SLC35E4: variants seen among roughly 807,000 people sequenced by gnomAD.
SLC35E4 encodes solute carrier family 35, member E4.
Under a neutral mutation model 19.3 loss-of-function variants are expected in SLC35E4, and 15 were observed. The observed-to-expected ratio is 0.78, with a 90% CI of 0.52 to 1.20. The LOEUF (loss-of-function observed/expected upper bound fraction) is 1.20. Ranked by LOEUF, SLC35E4 falls within the 50% of genes most tolerant of loss-of-function variation. The pLI is 0.00. For synonymous variants in SLC35E4, 219 were observed against 219.9 expected, an observed-to-expected ratio of 1.00 and a Z score of 0.04; for missense variants, 406 against 472.3, an observed-to-expected ratio of 0.86 and a Z score of 1.30.
intron 2 of SLC35E4, among the ~76,000 whole-genome samples, chr22:30,656,272 T>C (rs1158546101): frequency 6.6e-6 from 1 of 152,042 alleles, no homozygotes; most frequent in African/African-American, 2.4e-5. Flanking sequence ...CCACTGCACT[T>C]GGACTCTAAG....
In SLC35E4 at chr22:30,636,548, G is replaced by T; in HGVS notation, c.98G>T (p.Trp33Leu). The T allele has an allele frequency of 6.4e-7, 1 of 1,563,764 alleles. No homozygotes were observed. Among genetic ancestry groups the T allele is most frequent in the Non-Finnish European group, 8.7e-7 (1 of 1,153,842 alleles). Residue 33 changes from tryptophan to leucine, a missense_variant, in exon 1 of 2, where the codon TGG (tryptophan) becomes TTG (leucine). By Grantham distance (61) the Trp-to-Leu change is moderately conservative. Transcript: ENST00000343605. Reference sequence around the variant, plus strand: ...GCTCAGGCGGCTGGGCCCCCCGAGTGGCCCCCTGGCAGCCCTCAGGCCCTC... The same window carrying T: ...GCTCAGGCGGCTGGGCCCCCCGAGTTGCCCCCTGGCAGCCCTCAGGCCCTC... ...GGAQAAGPPE[W>L]PPGSPQALRQ...
rs529313524 is a variant in SLC35E4, at chr22:30,645,950, C to T, written c.620-648C>T. Among the ~76,000 whole-genome samples the T allele has an allele frequency of 2.4e-3, 360 of 152,044 alleles. 1 individual carries two copies. The highest frequency in any genetic ancestry group is 8.2e-3 in the African/African-American group (342 of 41,492). ...CCTCCTGCCTCAGCCTCCTGAGTAG[C>T]TGGGACTAAAGGCACGTGCCACCAC... On this transcript the variant is annotated intron_variant, in intron 1 of 1. Coordinates refer to ENST00000343605, the MANE Select transcript of SLC35E4 (RefSeq NM_001001479.4).
At chr22:30,649,165 A>G (rs57666014), downstream of SLC35E4, 2,491 of 715,964 alleles carry the variant, frequency 3.5e-3, 41 homozygotes, top group African/African-American at 0.038. Flanking sequence ...CCTAGGCCTC[A>G]GCTTCCAGAT....
chr22:30,637,101 G>A, intron 1 of SLC35E4, 32 bp downstream of exon 1: 1 of 1,538,486 alleles, frequency 6.5e-7, no homozygotes, highest in Non-Finnish European at 8.8e-7. Flanking sequence ...TGAGAAGGTG[G>A]GGGTCCGGGT....
At chr22:30,662,674 A>G (rs1024383729) in exon 3 of SLC35E4, 4 of 152,094 alleles carry the variant, frequency 2.6e-5, no homozygotes, top group African/African-American at 9.7e-5. Context: ...AAAAAAAGAA[A>G]AAAAATGAGG....
intron 1 of SLC35E4, among the ~76,000 whole-genome samples, chr22:30,644,195 A>G (rs1290476949): frequency 2.0e-5 from 3 of 152,228 alleles, no homozygotes; most frequent in African/African-American, 7.2e-5. Context: ...GTTCATTTCT[A>G]GAAACGCTTG....
intron 1 of SLC35E4, among the ~76,000 whole-genome samples, chr22:30,639,509 A>G (rs2088002781): frequency 6.6e-6 from 1 of 152,184 alleles, no homozygotes; most frequent in Non-Finnish European, 1.5e-5. Context: ...TCGTCCTAAT[A>G]AGCCTGGGAG....
intron 2 of SLC35E4, chr22:30,662,051 T>TTTA (rs3067260): frequency 6.7e-6 from 1 of 149,948 alleles, no homozygotes; most frequent in Non-Finnish European, 1.5e-5. Context: ...TTTTTTTTTT[T>TTTA]ACACACAGGG....
intron 2 of SLC35E4, chr22:30,654,770 G>T: frequency 4.1e-6 from 1 of 241,674 alleles, no homozygotes; most frequent in South Asian, 4.7e-5. Context: ...GGAAGCCCAG[G>T]AGATAGCTTT....
chr22:30,658,055 G>A lies in SLC35E4; in HGVS notation c.*9-4005G>A, dbSNP rs191626581. On this transcript the variant is annotated intron_variant, in intron 2 of 2. Transcript: ENST00000406566. ...CTGGGAGTTTGAGGCTGCAGTGGGC[G>A]GTGATCACACCACAGTATCTAGCCT... Among the ~76,000 whole-genome samples the A allele has an allele frequency of 3.2e-3, 488 of 151,412 alleles. 1 individual carries two copies. The highest frequency in any genetic ancestry group is 5.3e-3 in the Non-Finnish European group (360 of 67,896).
chr22:30,651,417 ATATATATATATTTTTTTTTT>A (rs2088213878), downstream of SLC35E4, among the ~76,000 whole-genome samples: 9 of 66,538 alleles, frequency 1.4e-4, no homozygotes, highest in East Asian at 9.5e-4. Context: ...ATATATATAT[ATATATATATATTTTTTTTTT>A]TTTTTTTTTT....
intron 1 of SLC35E4, among the ~76,000 whole-genome samples, chr22:30,638,726 C>T (rs562348283): frequency 5.9e-5 from 9 of 151,974 alleles, no homozygotes; most frequent in South Asian, 2.1e-4. Context: ...GTGAGAGAAT[C>T]GCTTGAACCT....
chr22:30,652,902 G>T (rs770906743), intron 2 of SLC35E4, among the ~76,000 whole-genome samples: 19 of 152,216 alleles, frequency 1.2e-4, no homozygotes, highest in Non-Finnish European at 2.4e-4. Flanking sequence ...ACAAAGGCAG[G>T]ATTACCAGGA....
At chr22:30,661,430 T>C (rs1048779630) in intron 2 of SLC35E4, 1 of 149,368 alleles carries the variant, frequency 6.7e-6, no homozygotes, top group South Asian at 2.1e-4. Context: ...CATTTCTTTT[T>C]TTCTTTTCTT....
At chr22:30,662,350 T>C (rs970869375) in exon 3 of SLC35E4, 3 of 152,200 alleles carry the variant, frequency 2.0e-5, no homozygotes, top group African/African-American at 4.8e-5. Flanking sequence ...GGGCTGGGCC[T>C]TGGTCCGAAG....
chr22:30,659,448 A>T (rs2088415400), intron 2 of SLC35E4, among the ~76,000 whole-genome samples: 1 of 152,010 alleles, frequency 6.6e-6, no homozygotes, highest in Admixed American at 6.6e-5. Flanking sequence ...ATCTTGGCTC[A>T]CTGCAACCTC....
rs778703165 is a variant in SLC35E4, at chr22:30,636,580, C to G, written c.130C>G (p.Pro44Ala). 22 of 1,593,526 alleles carry G rather than the reference C, an allele frequency of 1.4e-5. 1 individual carries two copies. The African/African-American group carries it at 2.4e-4, about 18-fold the overall frequency. ...TGGCAGCCCTCAGGCCCTCCGGCAG[C>G]CTGGCCGGGCCCGAGTGGCCATGGC... ...PPGSPQALRQ[P>A]GRARVAMAAL... The change falls in exon 1 of 2, where the codon CCT becomes GCT. Residue 44 changes from proline (P) to alanine (A), a missense_variant. Physicochemically the swap from Pro to Ala is conservative, Grantham distance 27. Transcript: ENST00000343605.
chr22:30,667,517 C>A (rs183264948), downstream of SLC35E4: 1 of 152,286 alleles, frequency 6.6e-6, no homozygotes, highest in South Asian at 2.1e-4. Flanking sequence ...CTTGGGGAAG[C>A]CTTAGGCAAG....
intron 1 of SLC35E4, 45 bp from the exon 2 acceptor site, chr22:30,646,553 G>A (rs373412120): frequency 2.6e-4 from 398 of 1,560,544 alleles, no homozygotes; most frequent in Non-Finnish European, 3.3e-4. Flanking sequence ...GTGGCTGGAG[G>A]GGGTTGTGTC....
Sources: allele counts gnomAD v4.1 joint callset (sites outside exome capture counted in the v4.1 genomes callset), GRCh38; gene constraint gnomAD v4.1.1; transcripts MANE v1.5; gene names NCBI Gene and HGNC (gene_info 2026-07-23, HGNC 2026-07-21).